MAGI2: variants seen among roughly 807,000 people sequenced by gnomAD.
The protein encoded by MAGI2 is membrane associated guanylate kinase, WW and PDZ domain containing 2.
In MAGI2, 35 loss-of-function variants were observed where a neutral mutation model predicts 133.3. That is an observed-to-expected ratio of 0.26 (90% CI 0.20 to 0.35). MAGI2 has a LOEUF of 0.35. MAGI2 is among the 10% of genes least tolerant of loss of function. MAGI2 has a pLI of 1.00. For synonymous variants in MAGI2, 729 were observed against 710.6 expected (o/e 1.03, Z -0.41); for missense variants, 1,636 against 1,863.4 (o/e 0.88, Z 2.25).
chr7:78,338,359 G>A (rs567403268), intron 9 of MAGI2, among the ~76,000 whole-genome samples: 27 of 152,218 alleles, frequency 1.8e-4, no homozygotes, highest in East Asian at 1.2e-3. Context: ...ATATCTGTTC[G>A]TCATCCAAAA....
In MAGI2 at chr7:78,193,461, T is replaced by A. The variant is rs142729481; in HGVS notation, c.2269+1413A>T. ...GTGTGAGAGCAGGGCATATTACTCA[T>A]CTTTGGTATCTCCTCACAGTGCTGA... is the stretch of plus-strand genomic sequence containing the variant. On this transcript the variant is annotated intron_variant, in intron 12 of 21. Coordinates refer to ENST00000354212, the MANE Select transcript of MAGI2 (RefSeq NM_012301.4). Among the ~76,000 whole-genome samples, 231 of 152,358 alleles carry A rather than the reference T, an allele frequency of 1.5e-3. 1 individual carries two copies. Among genetic ancestry groups the A allele is most frequent in the African/African-American group, 5.2e-3 (217 of 41,582 alleles).
At chr7:78,836,408 C>T (rs939345257) in intron 2 of MAGI2, among the ~76,000 whole-genome samples, 3 of 152,058 alleles carry the variant, frequency 2.0e-5, no homozygotes, top group African/African-American at 4.8e-5. Flanking sequence ...TATTTTTCAC[C>T]TCTATAGCAT....
In MAGI2 at chr7:78,808,733, T is replaced by A. The variant is rs558918545; in HGVS notation, c.419-181494A>T. On this transcript the variant is annotated intron_variant, in intron 2 of 21. Transcript: ENST00000354212. ...ATGTGGTGAGTTAAGGAGGATTAATTCAAATAGGGTGAACCACACAGTCCT... is the reference window on the plus strand; with the variant it reads ...ATGTGGTGAGTTAAGGAGGATTAATACAAATAGGGTGAACCACACAGTCCT... Among the ~76,000 whole-genome samples the A allele has an allele frequency of 5.3e-4, 81 of 152,262 alleles. 1 individual carries two copies. Among genetic ancestry groups the A allele is most frequent in the Admixed American group, 1.6e-3 (24 of 15,294 alleles).
intron 18 of MAGI2, among the ~76,000 whole-genome samples, chr7:78,128,418 T>C (rs1417143719): frequency 6.6e-6 from 1 of 152,082 alleles, no homozygotes; most frequent in African/African-American, 2.4e-5. Flanking sequence ...GTAGGTAGAT[T>C]GAAAAAATAC....
Position 78,127,358 on chromosome 7 carries a change from A to G in MAGI2, c.3262T>C (p.Phe1088Leu), listed in dbSNP as rs1821098431. The change falls in exon 19 of 22, where the codon TTC becomes CTC. Residue 1088 changes from phenylalanine to leucine, a missense_variant. This residue lies in a region of MAGI2 where 920 missense variants were observed against 1,093.5 expected (regional missense o/e 0.84). Transcript: ENST00000354212. ...DVKPDIRQPP[F>L]TDYRQPPLDY... Reference sequence around the variant, plus strand: ...AGCGGGGGCTGCCTGTAGTCTGTGAATGGAGGCTGTCGGATGTCTGGTTTC... The same window carrying G: ...AGCGGGGGCTGCCTGTAGTCTGTGAGTGGAGGCTGTCGGATGTCTGGTTTC... The G allele has an allele frequency of 1.9e-6, 3 of 1,609,538 alleles. No individual in the cohort carries two copies. The highest frequency in any genetic ancestry group is 2.5e-6 in the Non-Finnish European group (3 of 1,179,936).
At chr7:79,124,852 C>A in intron 1 of MAGI2, 1 of 214,022 alleles carries the variant, frequency 4.7e-6, no homozygotes, top group Non-Finnish European at 9.4e-6. Flanking sequence ...GGGGAATGCT[C>A]ATGGGTTGTG....
intron 9 of MAGI2, among the ~76,000 whole-genome samples, chr7:78,335,914 C>A (rs1433268676): frequency 6.6e-6 from 1 of 152,132 alleles, no homozygotes; most frequent in Non-Finnish European, 1.5e-5. Flanking sequence ...TAAAACTCCA[C>A]TGGGAGGATG....
intron 2 of MAGI2, among the ~76,000 whole-genome samples, chr7:78,801,168 G>A (rs931654197): frequency 5.9e-5 from 9 of 152,168 alleles, no homozygotes; most frequent in African/African-American, 1.9e-4. Context: ...GAGATTTAAA[G>A]ACAGGATAAT....
At chr7:79,378,144 AT>A (rs1326743434) in intron 1 of MAGI2, among the ~76,000 whole-genome samples, 1 of 151,788 alleles carries the variant, frequency 6.6e-6, no homozygotes, top group African/African-American at 2.4e-5. Context: ...AACACACCTG[AT>A]TTGGTGGATG....
rs183910153 is a variant in MAGI2 at position 78,277,674 on chromosome 7, A to T, written c.1409-21093T>A. Among the ~76,000 whole-genome samples, 430 of 152,294 alleles carry T rather than the reference A, an allele frequency of 2.8e-3. 2 individuals carry two copies. Among genetic ancestry groups the T allele is most frequent in the Admixed American group, 5.0e-3 (76 of 15,288 alleles). On this transcript the variant is annotated intron_variant, in intron 9 of 21. Coordinates refer to ENST00000354212, the MANE Select transcript of MAGI2 (RefSeq NM_012301.4). ...AATGGTGTCTGAAGAAGGGCTGATT[A>T]CCTGTTTACAACGTGGCAACAGTAG...
At chr7:79,452,230 C>T (rs1474520750) in intron 1 of MAGI2, among the ~76,000 whole-genome samples, 1 of 152,126 alleles carries the variant, frequency 6.6e-6, no homozygotes, top group South Asian at 2.1e-4. Context: ...TCATCTCCTC[C>T]GACAACCATT....
Position 78,828,690 on chromosome 7 carries a change from A to G in MAGI2, c.418+178400T>C, listed in dbSNP as rs375525615. ...GTCCATTAATTATGATTGATGTACC[A>G]TATACTTGTGATGTATGATGTAAAT... On this transcript the variant is annotated intron_variant, in intron 2 of 21. Coordinates refer to ENST00000354212, the MANE Select transcript of MAGI2 (RefSeq NM_012301.4). Among the ~76,000 whole-genome samples, 29 of 152,338 alleles carry G rather than the reference A, an allele frequency of 1.9e-4. No individual in the cohort carries two copies. The East Asian group carries it at 4.1e-3, about 21-fold the overall frequency.
chr7:79,222,132 T>C (rs1320152385), intron 1 of MAGI2, among the ~76,000 whole-genome samples: 1 of 152,032 alleles, frequency 6.6e-6, no homozygotes, highest in Non-Finnish European at 1.5e-5. Context: ...AATAAATTAA[T>C]TAATATCCAG....
intron 6 of MAGI2, among the ~76,000 whole-genome samples, chr7:78,388,344 T>C (rs1295131875): frequency 6.6e-6 from 1 of 152,150 alleles, no homozygotes; most frequent in East Asian, 1.9e-4. Context: ...ATAGCAGCAA[T>C]AGTAGGACTT....
In MAGI2 at chr7:78,337,834, G is replaced by C. The variant is rs1789930689; in HGVS notation, c.1408+5944C>G. On this transcript the variant is annotated intron_variant, in intron 9 of 21. Transcript: ENST00000354212. Reference sequence around the variant, plus strand: ...GCATTGACTAGGCTATACTGTAAAAGAGGAATTCAGCCTATTCAAATTTCA... The same window carrying C: ...GCATTGACTAGGCTATACTGTAAAACAGGAATTCAGCCTATTCAAATTTCA... Among the ~76,000 whole-genome samples, 2 of 152,090 alleles carry C rather than the reference G, an allele frequency of 1.3e-5. 1 individual carries two copies. The highest frequency in any genetic ancestry group is 4.1e-4 in the South Asian group (2 of 4,828).
At chr7:78,224,419 A>G (rs1789148719) in intron 10 of MAGI2, among the ~76,000 whole-genome samples, 1 of 152,000 alleles carries the variant, frequency 6.6e-6, no homozygotes, top group Admixed American at 6.5e-5. Flanking sequence ...TAATCCCAGC[A>G]CTTTGGGAGG....
intron 2 of MAGI2, among the ~76,000 whole-genome samples, chr7:78,751,928 T>C (rs565518350): frequency 8.8e-4 from 134 of 152,348 alleles, no homozygotes; most frequent in Non-Finnish European, 1.5e-3. Flanking sequence ...ATCAGACTTA[T>C]AGTCTACTAC....
chr7:79,148,227 A>G (rs1028737004), intron 1 of MAGI2, among the ~76,000 whole-genome samples: 14 of 152,116 alleles, frequency 9.2e-5, no homozygotes, highest in Admixed American at 1.3e-4. Context: ...GGTGACAGAG[A>G]GAATGTGGGA....
intron 21 of MAGI2, among the ~76,000 whole-genome samples, chr7:78,077,345 C>T (rs1815431461): frequency 6.6e-6 from 1 of 151,860 alleles, no homozygotes; most frequent in South Asian, 2.1e-4. Flanking sequence ...AGTTCAGATT[C>T]TTTACAAAGG....
Sources: allele counts gnomAD v4.1 joint callset (sites outside exome capture counted in the v4.1 genomes callset), GRCh38; gene constraint gnomAD v4.1.1; regional missense constraint gnomAD v4.1.1; transcripts MANE v1.5; gene names NCBI Gene and HGNC (gene_info 2026-07-23, HGNC 2026-07-21).